GSE1: variants seen among roughly 807,000 people sequenced by gnomAD.
GSE1 encodes the protein genetic suppressor element 1.
In GSE1, 32 loss-of-function variants were observed where a neutral mutation model predicts 112.6. The ratio of observed to expected loss-of-function variants is 0.28; its 90% CI spans 0.21 to 0.38. The LOEUF (loss-of-function observed/expected upper bound fraction) is 0.38. Ranked by LOEUF, GSE1 falls within the 10% of genes least tolerant of loss-of-function variation. The pLI is 1.00. For missense variants in GSE1, 2,348 were observed against 1,699.2 expected, an observed-to-expected ratio of 1.38 and a Z score of -6.71; for synonymous variants, 1,115 against 735.6, an observed-to-expected ratio of 1.52 and a Z score of -8.35.
rs756410854 is a variant in GSE1 at position 85,656,424 on chromosome 16, G to A, written c.1071G>A (p.Arg357=). 6.3e-7 allele frequency: 1 copy of A among 1,575,424 alleles called. No homozygotes were observed. Among genetic ancestry groups the A allele is most frequent in the Non-Finnish European group, 8.6e-7 (1 of 1,157,412 alleles). The change falls in exon 7 of 16, where the codon CGG becomes CGA. Residue 357 remains arginine (R), a synonymous_variant. Coordinates refer to ENST00000253458, the MANE Select transcript of GSE1 (RefSeq NM_014615.5). The stretch of plus-strand genomic sequence containing the variant: ...GTGAGCGTGAGGCTGACCGCGAGCG[G>A]GAGAAGGAACGTGAGCGCGAACGCG... The part of the protein sequence containing the change: ...REREREADRE[R]EKEREREREK...
chr16:85,371,958 G>A (rs1304625671), intron 2 of GSE1, among the ~76,000 whole-genome samples: 3 of 152,244 alleles, frequency 2.0e-5, no homozygotes, highest in Non-Finnish European at 2.9e-5. Flanking sequence ...GGAACGGGCA[G>A]AGAGGGAGAG....
intron 2 of GSE1, among the ~76,000 whole-genome samples, chr16:85,437,369 C>T (rs1195761983): frequency 1.3e-5 from 2 of 152,124 alleles, no homozygotes; most frequent in African/African-American, 4.8e-5. Context: ...TTTTTTCCCT[C>T]TTCTCATTTT....
chr16:85,460,886 A>T (rs1462498520), intron 2 of GSE1, among the ~76,000 whole-genome samples: 2 of 152,224 alleles, frequency 1.3e-5, no homozygotes, highest in Non-Finnish European at 2.9e-5. Context: ...TGGGCTGCAA[A>T]TCAGGACGTG....
chr16:85,478,909 TTCTTTCTTTCTTTCTTTCTCTTTC>T (rs2050571326), intron 2 of GSE1, among the ~76,000 whole-genome samples: 1 of 70,414 alleles, frequency 1.4e-5, no homozygotes, highest in African/African-American at 6.6e-5. Flanking sequence ...CTTTCTTTCT[TTCTTTCTTTCTTTCTTTCTCTTTC>T]TTTCTTTCTT....
intron 1 of GSE1, 119 bp from the exon 2 acceptor site, chr16:85,633,795 C>G (rs904923484): frequency 1.0e-5 from 7 of 690,924 alleles, no homozygotes; most frequent in Admixed American, 2.6e-5. Flanking sequence ...CCTGCTGGAG[C>G]CCCCGGGGCT....
Position 85,199,822 on chromosome 16 carries a change from G to A in GSE1, c.2283+28015G>A, listed in dbSNP as rs907324413. On this transcript the variant is annotated intron_variant, in intron 1 of 2. Transcript: ENST00000637419. ...TGATGTGGCTGGCAGACCCCCGTGT[G>A]GAGACCAAGGTGGCTTCCAGAGGCT... is the stretch of plus-strand genomic sequence containing the variant. Among the ~76,000 whole-genome samples the A allele has an allele frequency of 3.3e-5, 5 of 152,124 alleles. No individual in the cohort carries two copies. The South Asian group carries it at 6.2e-4, about 19-fold the overall frequency.
chr16:85,434,593 G>C (rs984615737), intron 2 of GSE1, among the ~76,000 whole-genome samples: 1 of 152,078 alleles, frequency 6.6e-6, no homozygotes, highest in Non-Finnish European at 1.5e-5. Context: ...TGAGACAGGC[G>C]GATCACTTGA....
At chr16:85,402,052 A>T (rs1160441932) in intron 2 of GSE1, among the ~76,000 whole-genome samples, 1 of 152,212 alleles carries the variant, frequency 6.6e-6, no homozygotes. Flanking sequence ...TTGGAGGCCC[A>T]ACCATTTCCT....
At chr16:85,275,166 G>C (rs12599730) in intron 1 of GSE1, among the ~76,000 whole-genome samples, 22,777 of 152,174 alleles carry the variant, frequency 0.15, 2,251 homozygotes, top group East Asian at 0.37. Flanking sequence ...CAAGGGAAAA[G>C]TCTCCCTGGA....
intron 1 of GSE1, among the ~76,000 whole-genome samples, chr16:85,605,985 C>CGTGGTTTCT (rs1193744662): frequency 1.3e-5 from 2 of 152,106 alleles, no homozygotes; most frequent in African/African-American, 4.8e-5. Flanking sequence ...CTGTTTCTGC[C>CGTGGTTTCT]GTGGTTTCTG....
intron 1 of GSE1, among the ~76,000 whole-genome samples, chr16:85,256,184 G>C (rs939327253): frequency 1.3e-5 from 2 of 152,084 alleles, no homozygotes; most frequent in East Asian, 3.9e-4. Flanking sequence ...CTCTTCCCTC[G>C]GCAGGCAGAC....
chr16:85,402,112 A>G (rs2151673143), intron 2 of GSE1, among the ~76,000 whole-genome samples: 1 of 152,322 alleles, frequency 6.6e-6, no homozygotes, highest in African/African-American at 2.4e-5. Context: ...CAGAGAGGGT[A>G]GCATCCTGTG....
intron 2 of GSE1, among the ~76,000 whole-genome samples, chr16:85,413,445 G>T (rs1194633494): frequency 6.6e-6 from 1 of 152,046 alleles, no homozygotes; most frequent in Non-Finnish European, 1.5e-5. Flanking sequence ...GCTCTCCCGG[G>T]TGACCGTGGA....
intron 2 of GSE1, among the ~76,000 whole-genome samples, chr16:85,396,183 G>T (rs888487755): frequency 3.3e-5 from 5 of 152,122 alleles, no homozygotes; most frequent in Admixed American, 6.5e-5. Context: ...GTCCTTCCTT[G>T]CCCCTGCCCG....
chr16:85,349,703 C>T lies in GSE1; in HGVS notation c.2284-7760C>T, dbSNP rs567578611. On this transcript the variant is annotated intron_variant, in intron 1 of 2. Transcript: ENST00000637419. ...ATTTTTCCTCGGGGCGAAGAGGAGG[C>T]GACGCCGTGTTCTTTTGTGTTGTCA... is the stretch of plus-strand genomic sequence containing the variant. Among the ~76,000 whole-genome samples, 12 of 152,242 alleles carry T rather than the reference C, an allele frequency of 7.9e-5. 1 individual carries two copies. In the South Asian group the frequency reaches 1.2e-3, roughly 16 times the overall value.
At chr16:85,555,257 T>A, upstream of GSE1, 1 of 985,396 alleles carries the variant, frequency 1.0e-6, no homozygotes, top group Non-Finnish European at 1.2e-6. Context: ...TCCACCGCCG[T>A]GCGCTCTCGC....
At chr16:85,592,055 C>G (rs947174590) in intron 1 of GSE1, among the ~76,000 whole-genome samples, 1 of 152,226 alleles carries the variant, frequency 6.6e-6, no homozygotes, top group Non-Finnish European at 1.5e-5. Flanking sequence ...CACCCCCCGC[C>G]CCCCGCTCCC....
chr16:85,521,573 T>G (rs1200054551), intron 2 of GSE1, among the ~76,000 whole-genome samples: 1 of 152,240 alleles, frequency 6.6e-6, no homozygotes, highest in African/African-American at 2.4e-5. Context: ...CGGTATCTTC[T>G]TCTTTACAGT....
At chr16:85,404,360 AG>A (rs1320961477) in intron 2 of GSE1, among the ~76,000 whole-genome samples, 3 of 42,662 alleles carry the variant, frequency 7.0e-5, no homozygotes, top group African/African-American at 1.1e-4. Context: ...CGTTACACTC[AG>A]GGCCCCCCTG....
Sources: allele counts gnomAD v4.1 joint callset (sites outside exome capture counted in the v4.1 genomes callset), GRCh38; gene constraint gnomAD v4.1.1; transcripts MANE v1.5; gene names NCBI Gene and HGNC (gene_info 2026-07-23, HGNC 2026-07-21).